Variants in B4GALT4 observed in about 807,000 individuals in gnomAD.
B4GALT4 encodes beta-1,4-galactosyltransferase 4.
A neutral mutation model predicts 37.3 loss-of-function variants in B4GALT4; 27 were observed. The ratio of observed to expected loss-of-function variants is 0.72; its 90% CI spans 0.53 to 1.00. B4GALT4 has a LOEUF of 1.00. Ranked by LOEUF, B4GALT4 falls within the 50% of genes least tolerant of loss-of-function variation. B4GALT4 has a pLI of 0.00. For missense variants in B4GALT4, 372 were observed against 413.1 expected, an observed-to-expected ratio of 0.90 and a Z score of 0.86; for synonymous variants, 148 against 154.1, an observed-to-expected ratio of 0.96 and a Z score of 0.29.
At chr3:119,221,644 A>G (rs938098990) in intron 5 of B4GALT4, among the ~76,000 whole-genome samples, 10 of 152,256 alleles carry the variant, frequency 6.6e-5, no homozygotes, top group African/African-American at 2.4e-4. Context: ...AGAGAAAATC[A>G]TAAATGATAA....
At chr3:119,233,540 T>C (rs913276010) in intron 2 of B4GALT4, among the ~76,000 whole-genome samples, 1 of 152,194 alleles carries the variant, frequency 6.6e-6, no homozygotes, top group African/African-American at 2.4e-5. Context: ...GACTTGAGCA[T>C]GCATGGATTT....
At chr3:119,215,064 G>C (rs2078253728) in intron 7 of B4GALT4, 1 of 152,204 alleles carries the variant, frequency 6.6e-6, no homozygotes, top group Admixed American at 6.5e-5. Flanking sequence ...ATCCCAGTGT[G>C]ATGGTTAATA....
At chr3:119,226,373 C>T (rs2078618499) in intron 4 of B4GALT4, 1 of 162,298 alleles carries the variant, frequency 6.2e-6, no homozygotes, top group Non-Finnish European at 1.3e-5. Flanking sequence ...AGCCATAGAG[C>T]ACCACAGCTA....
intron 4 of B4GALT4, 75 bp from the exon 5 acceptor site, chr3:119,224,320 C>T (rs894690379): frequency 8.5e-7 from 1 of 1,172,078 alleles, no homozygotes; most frequent in Non-Finnish European, 1.2e-6. Flanking sequence ...AGTTAGGATT[C>T]AGGAGATGGT....
intron 1 of B4GALT4, among the ~76,000 whole-genome samples, chr3:119,238,317 TG>T (rs1381359115): frequency 6.7e-6 from 1 of 148,950 alleles, no homozygotes; most frequent in African/African-American, 2.5e-5. Context: ...ATGCAATACA[TG>T]TGTGTGTGCA....
chr3:119,237,126 T>C (rs577058305), intron 1 of B4GALT4, 56 bp from the exon 2 acceptor site: 2 of 152,338 alleles, frequency 1.3e-5, no homozygotes, highest in South Asian at 2.1e-4. Context: ...TGCAGCATAA[T>C]AGAGAATTCA....
chr3:119,226,433 G>C (rs996318416), intron 4 of B4GALT4: 3 of 237,708 alleles, frequency 1.3e-5, no homozygotes, highest in Non-Finnish European at 2.5e-5. Context: ...CCATTGAGTT[G>C]CTATGGTTGA....
intron 3 of B4GALT4, among the ~76,000 whole-genome samples, chr3:119,228,789 A>G (rs201419995): frequency 5.3e-4 from 75 of 141,748 alleles, no homozygotes; most frequent in East Asian, 3.0e-3. Flanking sequence ...TGAGATCATC[A>G]TAAGGGTGGA....
At chr3:119,217,949 A>G (rs1360972310) in intron 6 of B4GALT4, among the ~76,000 whole-genome samples, 1 of 152,124 alleles carries the variant, frequency 6.6e-6, no homozygotes, top group Admixed American at 6.5e-5. Context: ...AAGTCTAAAG[A>G]TACCAGCCTA....
intron 5 of B4GALT4, among the ~76,000 whole-genome samples, 174 bp downstream of exon 5, chr3:119,223,884 T>A (rs559125426): frequency 6.6e-6 from 1 of 152,346 alleles, no homozygotes; most frequent in East Asian, 1.9e-4. Context: ...GTTGTAGGGC[T>A]TTTTCCTCAT....
chr3:119,214,495 G>A (rs1459210712), intron 7 of B4GALT4: 1 of 152,182 alleles, frequency 6.6e-6, no homozygotes, highest in African/African-American at 2.4e-5. Flanking sequence ...CAGAGCACAG[G>A]GAGGGAAGCT....
In B4GALT4 at chr3:119,230,252, G is replaced by T; in HGVS notation, c.-145-8C>A. The T allele has an allele frequency of 1.0e-6, 1 of 969,204 alleles. No homozygotes were observed. Among genetic ancestry groups the T allele is most frequent in the Non-Finnish European group, 1.5e-6 (1 of 661,374 alleles). 60.0% of individuals were successfully genotyped at this position (969,204 alleles called of 1,614,324 possible). A position where few individuals can be genotyped will look rare whatever the true frequency, so the allele number is the denominator to read the frequency against. On this transcript the variant is annotated splice_polypyrimidine_tract_variant and splice_region_variant and intron_variant, in intron 2 of 7. Transcript: ENST00000393765. The stretch of plus-strand genomic sequence containing the variant: ...TAGTTCTGCTCCAACAGTCTAAAAC[G>T]CAATCACAAAAGACACGTTGTTTCA...
chr3:119,230,455 A>T (rs1440873364), intron 2 of B4GALT4: 4 of 238,664 alleles, frequency 1.7e-5, no homozygotes, highest in African/African-American at 9.2e-5. Context: ...TTTATCAGCC[A>T]GGCTGTCTGC....
rs780329693 is a variant in B4GALT4, at chr3:119,212,460, C to T, written c.*89G>A. The T allele has an allele frequency of 7.5e-7, 1 of 1,337,416 alleles. No homozygotes were observed. The highest frequency in any genetic ancestry group is 1.0e-6 in the Non-Finnish European group (1 of 974,744). 82.8% of individuals were successfully genotyped at this position (1,337,416 alleles called of 1,614,324 possible). A position where few individuals can be genotyped will look rare whatever the true frequency, so the allele number is the denominator to read the frequency against. ...GCTCAACAATGAGCTGTAACAGGTT[C>T]TTAATGTGTGCTACTATTTGAAGTC... On this transcript the variant is annotated 3_prime_UTR_variant, in exon 8 of 8. Coordinates refer to ENST00000393765, the MANE Select transcript of B4GALT4 (RefSeq NM_003778.4).
intron 1 of B4GALT4, among the ~76,000 whole-genome samples, chr3:119,237,765 A>C (rs2079026063): frequency 6.6e-6 from 1 of 152,246 alleles, no homozygotes; most frequent in Admixed American, 6.5e-5. Context: ...TATTCTAAGA[A>C]AATAATCAGA....
At chr3:119,229,697 T>C in intron 3 of B4GALT4, 150 bp downstream of exon 3, 1 of 878,458 alleles carries the variant, frequency 1.1e-6, no homozygotes, top group East Asian at 2.7e-5. Flanking sequence ...GTACATGTTA[T>C]ATTTATTTTA....
intron 5 of B4GALT4, among the ~76,000 whole-genome samples, chr3:119,222,552 G>A (rs751964135): frequency 6.6e-6 from 1 of 152,078 alleles, no homozygotes; most frequent in African/African-American, 2.4e-5. Flanking sequence ...GCTGTAACGT[G>A]TCAACAGCTC....
chr3:119,232,699 C>T (rs749428395), intron 2 of B4GALT4, among the ~76,000 whole-genome samples: 2 of 152,166 alleles, frequency 1.3e-5, no homozygotes, highest in African/African-American at 2.4e-5. Flanking sequence ...ATCAGACAAC[C>T]TCTTGTGGAC....
rs1441116583 is a variant in B4GALT4, at chr3:119,212,545, AG to A, written c.*3del. 19 of 1,583,876 alleles carry A rather than the reference AG, an allele frequency of 1.2e-5. No homozygotes were observed. Among genetic ancestry groups the A allele is most frequent in the Non-Finnish European group, 1.6e-5 (19 of 1,169,472 alleles). On this transcript the variant is annotated 3_prime_UTR_variant, in exon 8 of 8. Transcript: ENST00000393765. ...TCTTCCAAACATCACCAAAAGACCC[AG>A]GGTCATGCACCAAACCAGAAATCCA...
Sources: gnomAD v4.1 joint callset for allele counts (sites outside exome capture counted in the v4.1 genomes callset) on GRCh38, gnomAD v4.1.1 for gene constraint, MANE v1.5 for transcripts, NCBI Gene and HGNC (gene_info 2026-07-23, HGNC 2026-07-21) for gene names.